CDK5RAP2: variants seen among roughly 807,000 people sequenced by gnomAD.
The protein encoded by CDK5RAP2 is CDK5 regulatory subunit-associated protein 2.
Under a neutral mutation model 232.9 loss-of-function variants are expected in CDK5RAP2, and 147 were observed. That is an observed-to-expected ratio of 0.63 (90% CI 0.55 to 0.72). The LOEUF is 0.72. Ranked by LOEUF, CDK5RAP2 falls within the 30% of genes least tolerant of loss-of-function variation. The pLI is 0.00. For missense variants in CDK5RAP2, 2,195 were observed against 2,231.5 expected (o/e 0.98, Z 0.33); for synonymous variants, 833 against 833.7 (o/e 1.00, Z 0.01).
chr9:120,460,440 C>T, intron 19 of CDK5RAP2, 132 bp downstream of exon 19: 1 of 817,754 alleles, frequency 1.2e-6, no homozygotes, highest in Non-Finnish European at 2.1e-6. Context: ...TCTTTGCTTT[C>T]CACTGGCACA....
In CDK5RAP2 at chr9:120,408,425, T is replaced by C; in HGVS notation, c.4648A>G (p.Asn1550Asp). 1.2e-6 allele frequency: 2 copies of C among 1,614,134 alleles called. No homozygotes were observed. The highest frequency in any genetic ancestry group is 2.7e-5 in the African/African-American group (2 of 75,044). Residue 1550 changes from asparagine to aspartate, a missense_variant, in exon 31 of 38, where the codon AAT (asparagine) becomes GAT (aspartate). By Grantham distance (23) the Asn-to-Asp change is conservative. Transcript: ENST00000349780. ...VKLRQQLLSQ[N>D]DKLLQSLRVE... ...CGGAGAGACTGCAATAGCTTGTCAT[T>C]CTGTGAGAGCAGCTGCTGCCTCAAC...
intron 12 of CDK5RAP2, among the ~76,000 whole-genome samples, chr9:120,507,910 T>TA (rs1161123095): frequency 5.0e-5 from 3 of 59,430 alleles, no homozygotes; most frequent in Admixed American, 3.4e-4. Flanking sequence ...ACTGGCTGAT[T>TA]AAAAAAAAAA....
At chr9:120,411,231 A>G in intron 29 of CDK5RAP2, 127 bp downstream of exon 29, 4 of 735,860 alleles carry the variant, frequency 5.4e-6, no homozygotes, top group Non-Finnish European at 1.0e-5. Context: ...TGACAATTAA[A>G]TGGTGTAAAG....
chr9:120,449,484 T>C (rs543566796), intron 21 of CDK5RAP2, among the ~76,000 whole-genome samples: 3 of 152,178 alleles, frequency 2.0e-5, no homozygotes, highest in Non-Finnish European at 4.4e-5. Context: ...GGCCATACTC[T>C]CTGTATAGCT....
intron 3 of CDK5RAP2, among the ~76,000 whole-genome samples, chr9:120,552,628 G>A (rs1020408676): frequency 6.8e-6 from 1 of 147,098 alleles, no homozygotes; most frequent in Non-Finnish European, 1.5e-5. Context: ...TCACTCATAG[G>A]TGGGAATTGA....
intron 3 of CDK5RAP2, among the ~76,000 whole-genome samples, chr9:120,554,199 C>T (rs80056904): frequency 0.12 from 17,752 of 152,132 alleles, 1,147 homozygotes; most frequent in Non-Finnish European, 0.15. Flanking sequence ...TAATTATTTA[C>T]TTGATATGAC....
chr9:120,415,578 T>C (rs1439095283), intron 27 of CDK5RAP2, among the ~76,000 whole-genome samples: 3 of 152,216 alleles, frequency 2.0e-5, no homozygotes, highest in Admixed American at 6.5e-5. Context: ...TCGAGACTAA[T>C]TTTTTGAAAG....
intron 23 of CDK5RAP2, among the ~76,000 whole-genome samples, chr9:120,441,890 G>C (rs1273325036): frequency 1.3e-5 from 2 of 152,078 alleles, no homozygotes; most frequent in African/African-American, 4.8e-5. Context: ...TCTAGCACAG[G>C]GTCTGCGACA....
intron 25 of CDK5RAP2, among the ~76,000 whole-genome samples, chr9:120,424,584 C>A (rs2034769277): frequency 6.6e-6 from 1 of 152,164 alleles, no homozygotes; most frequent in Non-Finnish European, 1.5e-5. Context: ...ACTAACCCTG[C>A]AGACCCTGAG....
intron 35 of CDK5RAP2, among the ~76,000 whole-genome samples, chr9:120,396,591 C>G (rs550040794): frequency 3.0e-4 from 45 of 152,300 alleles, no homozygotes; most frequent in African/African-American, 1.0e-3. Context: ...GTCTCCCCAT[C>G]ACCGCCCATG....
At chr9:120,578,842 C>T (rs1160048110) in intron 1 of CDK5RAP2, among the ~76,000 whole-genome samples, 2 of 152,198 alleles carry the variant, frequency 1.3e-5, no homozygotes, top group Non-Finnish European at 2.9e-5. Flanking sequence ...GCTAGGATTA[C>T]ACAGGTGAGC....
intron 26 of CDK5RAP2, among the ~76,000 whole-genome samples, chr9:120,420,579 A>G (rs947840204): frequency 2.0e-5 from 3 of 151,374 alleles, no homozygotes; most frequent in African/African-American, 4.9e-5. Flanking sequence ...CCCAAGGACC[A>G]CCTAAGCCAT....
chr9:120,408,983 G>A (rs2033669669), intron 30 of CDK5RAP2, 144 bp downstream of exon 30: 5 of 756,934 alleles, frequency 6.6e-6, no homozygotes, highest in Non-Finnish European at 1.1e-5. Context: ...ATATGTTGTA[G>A]GCGCACCAGA....
chr9:120,397,659 G>A (rs2032636576), intron 35 of CDK5RAP2, among the ~76,000 whole-genome samples: 2 of 149,142 alleles, frequency 1.3e-5, no homozygotes, highest in Admixed American at 1.3e-4. Context: ...TCCAGTCAGT[G>A]AGCACACTTC....
chr9:120,392,128 G>C (rs2032041970), intron 36 of CDK5RAP2, among the ~76,000 whole-genome samples: 1 of 152,184 alleles, frequency 6.6e-6, no homozygotes, highest in Non-Finnish European at 1.5e-5. Flanking sequence ...GAAAGAAAGA[G>C]GAGGGACTGG....
chr9:120,524,799 G>A (rs887133639), intron 11 of CDK5RAP2, among the ~76,000 whole-genome samples, 187 bp downstream of exon 11: 9 of 152,128 alleles, frequency 5.9e-5, no homozygotes, highest in Non-Finnish European at 2.9e-5. Context: ...TCATATTGAG[G>A]AGGGGGCTGG....
chr9:120,415,172 A>C lies in CDK5RAP2; in HGVS notation c.4178-13T>G, dbSNP rs367731616. On this transcript the variant is annotated splice_polypyrimidine_tract_variant and intron_variant, in intron 27 of 37. Transcript: ENST00000349780. ...TCCATTAGTAAGTCTACAGGAAGGAAGCCATTTTTAATTTAAAGTCTGAAC... is the reference window on the plus strand; with the variant it reads ...TCCATTAGTAAGTCTACAGGAAGGACGCCATTTTTAATTTAAAGTCTGAAC... 12 of 1,613,664 alleles carry C rather than the reference A, an allele frequency of 7.4e-6. No individual in the cohort carries two copies. The highest frequency in any genetic ancestry group is 2.7e-5 in the African/African-American group (2 of 74,938).
chr9:120,492,056 C>G (rs2038935977), intron 12 of CDK5RAP2, among the ~76,000 whole-genome samples: 1 of 150,590 alleles, frequency 6.6e-6, no homozygotes, highest in Non-Finnish European at 1.5e-5. Context: ...TTTATAATAA[C>G]ATAAAAAAAG....
chr9:120,499,588 T>A (rs558284750), intron 12 of CDK5RAP2, among the ~76,000 whole-genome samples: 2 of 152,286 alleles, frequency 1.3e-5, no homozygotes, highest in East Asian at 3.9e-4. Flanking sequence ...AAAAAGATGA[T>A]GATGAGATTG....
Sources: gnomAD v4.1 joint callset for allele counts (sites outside exome capture counted in the v4.1 genomes callset) on GRCh38, gnomAD v4.1.1 for gene constraint, MANE v1.5 for transcripts, NCBI Gene and HGNC (gene_info 2026-07-23, HGNC 2026-07-21) for gene names.